The following IBTK variants were observed in gnomAD, a reference collection of about 807,000 sequenced individuals.
The protein encoded by IBTK is BTK-binding protein.
In IBTK, 83 loss-of-function variants were observed where a neutral mutation model predicts 154.9. The observed-to-expected ratio is 0.54, with a 90% confidence interval of 0.45 to 0.64. IBTK has a LOEUF of 0.64. Ranked by LOEUF, IBTK falls within the 30% of genes least tolerant of loss-of-function variation. The probability of loss-of-function intolerance (pLI) is 0.00; values close to 1 mark genes in which losing one functional copy is unlikely to be tolerated. For missense variants in IBTK, 1,332 were observed against 1,584.6 expected (o/e 0.84, Z 2.71); for synonymous variants, 515 against 536.1 (o/e 0.96, Z 0.54).
At chr6:82,217,774 C>T (rs2273194) in intron 10 of IBTK, among the ~76,000 whole-genome samples, 186 bp downstream of exon 10, 36,277 of 151,970 alleles carry the variant, frequency 0.24, 4,400 homozygotes, top group African/African-American at 0.28. Flanking sequence ...AGGATATAGA[C>T]GAATATTCAT....
intron 11 of IBTK, among the ~76,000 whole-genome samples, chr6:82,215,590 C>T (rs376165129): frequency 2.0e-5 from 3 of 152,044 alleles, no homozygotes; most frequent in African/African-American, 7.2e-5. Context: ...TGGTCAAGAC[C>T]AGCCTGGCCA....
chr6:82,176,514 T>C lies in IBTK; in HGVS notation c.3726-3076A>G, dbSNP rs867205523. ...CCATCCTGGGTGACAAGAGCGAGAG[T>C]CCGTCTCAAAAAAAAAAAAAAAAAA... On this transcript the variant is annotated intron_variant, in intron 26 of 28. Transcript: ENST00000306270. Among the ~76,000 whole-genome samples the C allele has an allele frequency of 1.1e-4, 12 of 111,654 alleles. No homozygotes were observed. The South Asian group carries it at 3.3e-3, about 31-fold the overall frequency. The allele number at this position is 111,654 out of a possible 152,430, so 73.2% of individuals were successfully genotyped here.
Position 82,214,450 on chromosome 6 carries a change from G to A in IBTK, c.1981C>T (p.Gln661Ter), listed in dbSNP as rs1364777737. Reference sequence around the variant, plus strand: ...TTCAAATGAGAATTCAGAGTTCCCTGATATTCTTCTGGGTTTTTGTTTAAG... The same window carrying A: ...TTCAAATGAGAATTCAGAGTTCCCTAATATTCTTCTGGGTTTTTGTTTAAG... ...IHLNKNPEEY[Q>*]GTLNSHLNKV... Residue 661 changes from glutamine to a stop codon, truncating the protein, a stop_gained, in exon 12 of 29, where the codon CAG becomes TAG. Transcript: ENST00000306270. LOFTEE classifies it high-confidence loss of function. 1.2e-6 allele frequency: 2 copies of A among 1,613,800 alleles called. No homozygotes were observed. The highest frequency in any genetic ancestry group is 2.7e-5 in the African/African-American group (2 of 74,894).
At chr6:82,193,233 A>G (rs1408091242) in intron 23 of IBTK, among the ~76,000 whole-genome samples, 1 of 152,170 alleles carries the variant, frequency 6.6e-6, no homozygotes, top group African/African-American at 2.4e-5. Context: ...ATGTTTGTGT[A>G]TATGTCAATA....
chr6:82,176,173 A>T (rs1432118026), intron 26 of IBTK, among the ~76,000 whole-genome samples: 2 of 152,162 alleles, frequency 1.3e-5, no homozygotes, highest in Admixed American at 1.3e-4. Context: ...ATCAGATTGG[A>T]GCTGATATAA....
intron 5 of IBTK, among the ~76,000 whole-genome samples, chr6:82,225,931 T>C (rs1477831207): frequency 6.6e-6 from 1 of 151,978 alleles, no homozygotes; most frequent in Non-Finnish European, 1.5e-5. Flanking sequence ...TTGTTTGGTA[T>C]GAATAAAGGG....
Position 82,240,306 on chromosome 6 carries a change from A to C in IBTK, c.181T>G (p.Ser61Ala). The C allele has an allele frequency of 1.2e-6, 2 of 1,614,216 alleles. No individual in the cohort carries two copies. The highest frequency in any genetic ancestry group is 1.7e-6 in the Non-Finnish European group (2 of 1,180,024). Reference sequence around the variant, plus strand: ...TCTAACACTCCTTTCTTTCCACAGGAGGAAACAAGGTGGAGGGCATTCCTG... The same window carrying C: ...TCTAACACTCCTTTCTTTCCACAGGCGGAAACAAGGTGGAGGGCATTCCTG... ...FGRNALHLVS[S>A]CGKKGVLDWL... The change falls in exon 2 of 29, where the codon TCC becomes GCC. Residue 61 changes from serine (S) to alanine (A), a missense_variant. By Grantham distance (99) the Ser-to-Ala change is moderately conservative (BLOSUM62 1). Coordinates refer to ENST00000306270, the MANE Select transcript of IBTK (RefSeq NM_015525.4).
At chr6:82,222,375 T>C (rs538129072) in intron 8 of IBTK, among the ~76,000 whole-genome samples, 14 of 152,294 alleles carry the variant, frequency 9.2e-5, no homozygotes, top group Admixed American at 9.2e-4. Context: ...CTCCCACTAG[T>C]TGAGCTATCC....
In IBTK at chr6:82,200,581, G is replaced by A; in HGVS notation, c.2912+6C>T. On this transcript the variant is annotated splice_donor_region_variant and intron_variant, in intron 20 of 28. Transcript: ENST00000306270. The stretch of plus-strand genomic sequence containing the variant: ...GAAAAGAAAAAAAAAAAAGAAAACA[G>A]CTTACGAATGATTTTGTTCCATATT... 1 of 1,531,668 alleles carries A rather than the reference G, an allele frequency of 6.5e-7. No individual in the cohort carries two copies. Among genetic ancestry groups the A allele is most frequent in the Non-Finnish European group, 8.7e-7 (1 of 1,143,734 alleles). The allele number at this position is 1,531,668 out of a possible 1,614,324, so 94.9% of individuals were successfully genotyped here. A position where few individuals can be genotyped will look rare whatever the true frequency, so the allele number is the denominator to read the frequency against.
At chr6:82,235,380 G>C (rs1770677510) in intron 2 of IBTK, among the ~76,000 whole-genome samples, 1 of 152,000 alleles carries the variant, frequency 6.6e-6, no homozygotes, top group Non-Finnish European at 1.5e-5. Context: ...AATCGCCTGA[G>C]GTCAGGAGTT....
At position 82,200,122 on chromosome 6, in the gene IBTK, A is replaced by G. The variant is rs750113260; in HGVS notation, c.3025+19T>C. ...CATAGAAGATTAGAACTGGAAATAC[A>G]TGCTCACTTTCCACGAACCTGTAGA... On this transcript the variant is annotated intron_variant, in intron 21 of 28. Coordinates refer to ENST00000306270, the MANE Select transcript of IBTK (RefSeq NM_015525.4). 2.1e-6 allele frequency: 3 copies of G among 1,422,786 alleles called. No individual in the cohort carries two copies. Among genetic ancestry groups the G allele is most frequent in the African/African-American group, 2.8e-5 (2 of 70,352 alleles). The allele number at this position is 1,422,786 out of a possible 1,614,324, so 88.1% of individuals were successfully genotyped here.
intron 16 of IBTK, among the ~76,000 whole-genome samples, chr6:82,206,704 A>G (rs1227330355): frequency 1.3e-5 from 2 of 152,168 alleles, no homozygotes; most frequent in African/African-American, 4.8e-5. Flanking sequence ...AAAAAACGCT[A>G]AGAAACTAAA....
intron 19 of IBTK, 44 bp from the exon 20 acceptor site, chr6:82,200,752 A>ATTT: frequency 8.8e-5 from 44 of 501,082 alleles, no homozygotes; most frequent in East Asian, 1.4e-4. Context: ...AAATCTGTGA[A>ATTT]GTTTTTTTTT....
intron 4 of IBTK, among the ~76,000 whole-genome samples, chr6:82,227,562 G>A (rs1343187515): frequency 6.6e-6 from 1 of 151,858 alleles, no homozygotes; most frequent in African/African-American, 2.4e-5. Flanking sequence ...CCACAGAAGA[G>A]ATTACCCAAA....
intron 24 of IBTK, 150 bp downstream of exon 24, chr6:82,191,637 A>G (rs773482364): frequency 3.5e-5 from 25 of 705,192 alleles, no homozygotes; most frequent in Admixed American, 6.1e-5. Flanking sequence ...TTAAGAAATA[A>G]TATTATGGAG....
chr6:82,227,117 T>A (rs200633356), intron 5 of IBTK, 75 bp downstream of exon 5: 18 of 951,836 alleles, frequency 1.9e-5, no homozygotes, highest in Non-Finnish European at 2.6e-5. Flanking sequence ...GAAAAAAAAA[T>A]TTAGTTAATT....
intron 1 of IBTK, among the ~76,000 whole-genome samples, chr6:82,244,614 T>C (rs1013524866): frequency 2.0e-5 from 3 of 152,230 alleles, no homozygotes; most frequent in Non-Finnish European, 4.4e-5. Context: ...AACTCTACCG[T>C]ACACATGATT....
chr6:82,212,866 A>G, intron 12 of IBTK, 73 bp from the exon 13 acceptor site: 1 of 838,080 alleles, frequency 1.2e-6, no homozygotes, highest in Non-Finnish European at 2.0e-6. Flanking sequence ...AAATCCAACA[A>G]ATTAGCTTAC....
intron 2 of IBTK, among the ~76,000 whole-genome samples, chr6:82,235,416 A>C (rs1467817446): frequency 6.6e-6 from 1 of 152,080 alleles, no homozygotes; most frequent in African/African-American, 2.4e-5. Context: ...CAACATGCTG[A>C]AACCCCATCT....
Sources: gnomAD v4.1 joint callset for allele counts (sites outside exome capture counted in the v4.1 genomes callset) on GRCh38, gnomAD v4.1.1 for gene constraint, MANE v1.5 for transcripts, NCBI Gene and HGNC (gene_info 2026-07-23, HGNC 2026-07-21) for gene names.